ARHGAP6: variants seen among roughly 807,000 people sequenced by gnomAD.
ARHGAP6 encodes rho GTPase-activating protein 6.
Under a neutral mutation model 55.7 loss-of-function variants are expected in ARHGAP6, and 16 were observed. The ratio of observed to expected loss-of-function variants is 0.29; its 90% CI spans 0.19 to 0.44. ARHGAP6 has a LOEUF of 0.44. ARHGAP6 is among the 20% of genes least tolerant of loss of function. The probability of loss-of-function intolerance (pLI) is 1.00; values close to 1 mark genes in which losing one functional copy is unlikely to be tolerated. For missense variants in ARHGAP6, 698 were observed against 808.9 expected (o/e 0.86, Z 1.66); for synonymous variants, 382 against 360.9 (o/e 1.06, Z -0.66).
At chrX:11,510,579 T>G (rs1373683912) in intron 1 of ARHGAP6, among the ~76,000 whole-genome samples, 1 of 111,098 alleles carries the variant, frequency 9.0e-6, no homozygotes, top group East Asian at 2.8e-4. Context: ...TAAAAGTTAT[T>G]CCCATTTTGG....
intron 1 of ARHGAP6, among the ~76,000 whole-genome samples, chrX:11,390,995 C>T (rs948664145): frequency 1.8e-5 from 2 of 111,911 alleles, no homozygotes; most frequent in East Asian, 2.8e-4. Flanking sequence ...AATCATGCTG[C>T]TATGAAGACA....
intron 1 of ARHGAP6, among the ~76,000 whole-genome samples, chrX:11,563,060 C>T (rs938947211): frequency 9.0e-6 from 1 of 111,069 alleles, no homozygotes; most frequent in Non-Finnish European, 1.9e-5. Context: ...TTAAAAGAGA[C>T]ATAAGGGCCA....
At chrX:11,287,104 T>C (rs761313135) in intron 1 of ARHGAP6, among the ~76,000 whole-genome samples, 4 of 112,504 alleles carry the variant, frequency 3.6e-5, no homozygotes, top group Non-Finnish European at 7.5e-5. Flanking sequence ...AATCCGTTTT[T>C]ATAGACCTTT....
At chrX:11,192,514 T>G (rs749325143) in intron 3 of ARHGAP6, among the ~76,000 whole-genome samples, 1 of 111,956 alleles carries the variant, frequency 8.9e-6, no homozygotes, top group Non-Finnish European at 1.9e-5. Context: ...AATGACAACA[T>G]TCAATATATG....
Position 11,310,290 on chromosome X carries a change from T to C in ARHGAP6, c.589-55583A>G, listed in dbSNP as rs184654776. On this transcript the variant is annotated intron_variant, in intron 1 of 12. Transcript: ENST00000337414. ...AGAATGTGTCTCCAAATGTTAAACA[T>C]ACATTTGCCATTATACTCAGCAATT... 3.8e-3 allele frequency among the ~76,000 whole-genome samples: 404 copies of C among 106,505 alleles called. 1 individual carries two copies. Among genetic ancestry groups the C allele is most frequent in the Middle Eastern group, 0.015 (3 of 198 alleles). The allele number at this position is 106,505 out of a possible 115,157, so 92.5% of individuals were successfully genotyped here.
chrX:11,487,694 T>C (rs889655604), intron 1 of ARHGAP6, among the ~76,000 whole-genome samples: 1 of 111,973 alleles, frequency 8.9e-6, no homozygotes, highest in African/African-American at 3.2e-5. Flanking sequence ...CACTGCTAAA[T>C]GTGGGACCCT....
At chrX:11,505,512 A>G (rs1207018192) in intron 1 of ARHGAP6, among the ~76,000 whole-genome samples, 2 of 111,106 alleles carry the variant, frequency 1.8e-5, no homozygotes, top group African/African-American at 6.6e-5. Flanking sequence ...AGAGCTAAAA[A>G]CAGAACCAAC....
At chrX:11,223,490 G>A (rs2047001686) in intron 2 of ARHGAP6, among the ~76,000 whole-genome samples, 1 of 110,687 alleles carries the variant, frequency 9.0e-6, no homozygotes, top group South Asian at 3.8e-4. Flanking sequence ...ACCTCTTTTT[G>A]CCTTCCAGAT....
chrX:11,459,760 C>G (rs1007000349), intron 1 of ARHGAP6, among the ~76,000 whole-genome samples: 3 of 111,641 alleles, frequency 2.7e-5, no homozygotes, highest in Non-Finnish European at 5.6e-5. Flanking sequence ...TTTAATTACT[C>G]AAGTTTCTAA....
chrX:11,386,822 G>C (rs980893566), intron 1 of ARHGAP6, among the ~76,000 whole-genome samples: 1 of 112,019 alleles, frequency 8.9e-6, no homozygotes, highest in Non-Finnish European at 1.9e-5. Flanking sequence ...AAGAAATAGA[G>C]GCAAGTGATG....
intron 1 of ARHGAP6, among the ~76,000 whole-genome samples, chrX:11,340,627 G>A (rs1360425730): frequency 2.8e-5 from 3 of 107,760 alleles, no homozygotes; most frequent in Non-Finnish European, 3.8e-5. Context: ...TACTCGGGAG[G>A]CTGAGGCAGG....
At chrX:11,196,135 A>G (rs868135745) in intron 3 of ARHGAP6, among the ~76,000 whole-genome samples, 2 of 100,679 alleles carry the variant, frequency 2.0e-5, no homozygotes, top group East Asian at 5.8e-4. Context: ...CTCTGTCTCA[A>G]AAAACAAAAC....
At chrX:11,583,349 C>A (rs1313513747) in intron 1 of ARHGAP6, among the ~76,000 whole-genome samples, 1 of 112,082 alleles carries the variant, frequency 8.9e-6, no homozygotes, top group Non-Finnish European at 1.9e-5. Context: ...TGTCACTTAG[C>A]AGAACTGGAC....
intron 1 of ARHGAP6, among the ~76,000 whole-genome samples, chrX:11,369,489 C>T (rs895277865): frequency 1.8e-5 from 2 of 111,106 alleles, no homozygotes; most frequent in African/African-American, 3.3e-5. Context: ...CAACAGGATA[C>T]TCTTTAGAAG....
At chrX:11,191,168 C>T (rs924117204) in intron 3 of ARHGAP6, among the ~76,000 whole-genome samples, 3 of 112,711 alleles carry the variant, frequency 2.7e-5, no homozygotes, top group African/African-American at 6.5e-5. Context: ...TTTGTGGATA[C>T]GGCTGGGGCT....
intron 2 of ARHGAP6, among the ~76,000 whole-genome samples, chrX:11,207,911 C>T (rs2046730567): frequency 1.8e-5 from 2 of 111,570 alleles, no homozygotes; most frequent in African/African-American, 6.5e-5. Context: ...TCACCTGCCG[C>T]TCTGCTGCCT....
intron 1 of ARHGAP6, among the ~76,000 whole-genome samples, chrX:11,546,231 G>A (rs940053803): frequency 2.7e-5 from 3 of 110,453 alleles, no homozygotes; most frequent in Non-Finnish European, 5.7e-5. Flanking sequence ...AATGCCTGGC[G>A]CTTATTGGCT....
At chrX:11,375,047 A>T in intron 1 of ARHGAP6, among the ~76,000 whole-genome samples, 1 of 112,503 alleles carries the variant, frequency 8.9e-6, no homozygotes, top group Admixed American at 9.4e-5. Context: ...TGCCTAGAAC[A>T]GTATCTCTGT....
intron 1 of ARHGAP6, among the ~76,000 whole-genome samples, chrX:11,327,791 G>A (rs1314744413): frequency 8.9e-6 from 1 of 111,769 alleles, no homozygotes; most frequent in Non-Finnish European, 1.9e-5. Flanking sequence ...GAGTATAATC[G>A]TGTGCTACAG....
Sources: allele counts gnomAD v4.1 joint callset (sites outside exome capture counted in the v4.1 genomes callset), GRCh38; gene constraint gnomAD v4.1.1; transcripts MANE v1.5; gene names NCBI Gene and HGNC (gene_info 2026-07-23, HGNC 2026-07-21).